The following CADPS variants were observed in gnomAD, a reference collection of about 807,000 sequenced individuals.
CADPS encodes calcium-dependent secretion activator 1.
In CADPS, 57 loss-of-function variants were observed where a neutral mutation model predicts 167.3. The observed-to-expected ratio is 0.34, with a 90% CI of 0.28 to 0.42. CADPS has a LOEUF of 0.42. Among genes scored for constraint, CADPS ranks in the 20% least tolerant of loss-of-function variants. CADPS has a pLI of 1.00. For missense variants in CADPS, 1,414 were observed against 1,738.1 expected, an observed-to-expected ratio of 0.81 and a Z score of 3.32; for synonymous variants, 676 against 635.3, an observed-to-expected ratio of 1.06 and a Z score of -0.96.
At chr3:62,461,508 C>T (rs2059346170) in intron 26 of CADPS, among the ~76,000 whole-genome samples, 1 of 152,140 alleles carries the variant, frequency 6.6e-6, no homozygotes, top group Non-Finnish European at 1.5e-5. Context: ...CACCTTTGCC[C>T]TCTCCAGTCA....
At chr3:62,552,092 T>C (rs1197922732) in intron 10 of CADPS, among the ~76,000 whole-genome samples, 1 of 152,050 alleles carries the variant, frequency 6.6e-6, no homozygotes, top group African/African-American at 2.4e-5. Context: ...GAATATGCTC[T>C]AGATCCATCT....
chr3:62,414,500 A>T (rs2049629765), intron 28 of CADPS, among the ~76,000 whole-genome samples: 1 of 152,240 alleles, frequency 6.6e-6, no homozygotes, highest in Admixed American at 6.5e-5. Context: ...AAAATCATGT[A>T]TTTCTTAAAT....
At position 62,557,411 on chromosome 3, in the gene CADPS, G is replaced by A; in HGVS notation, c.1747C>T (p.Gln583Ter). The A allele has an allele frequency of 6.2e-7, 1 of 1,612,466 alleles. No individual in the cohort carries two copies. The highest frequency in any genetic ancestry group is 8.5e-7 in the Non-Finnish European group (1 of 1,178,508). The part of the protein sequence containing the change: ...DGYTVDYTDP[Q>*]PGLEGGRAFF... ...CTTGAGGGTCGGTGGGTACCTGGCTGGGGGTCGGTGTAATCCACAGTGTAG... is the reference window on the plus strand; with the variant it reads ...CTTGAGGGTCGGTGGGTACCTGGCTAGGGGTCGGTGTAATCCACAGTGTAG... Residue 583 changes from glutamine (Q) to a stop codon, truncating the protein, a stop_gained, in exon 10 of 30, where the codon CAG becomes TAG. Transcript: ENST00000383710. LOFTEE classifies it high-confidence loss of function.
chr3:62,559,934 G>C (rs1370582809), intron 9 of CADPS, among the ~76,000 whole-genome samples: 2 of 151,166 alleles, frequency 1.3e-5, no homozygotes, highest in Non-Finnish European at 2.9e-5. Flanking sequence ...GTTATTTCAA[G>C]ATTTATGCAT....
chr3:62,410,772 T>A (rs2048812357), intron 28 of CADPS, among the ~76,000 whole-genome samples: 2 of 152,108 alleles, frequency 1.3e-5, no homozygotes, highest in South Asian at 4.1e-4. Flanking sequence ...AAATCACAAC[T>A]CCTTGAGTGT....
At chr3:62,609,322 A>C (rs2061167136) in intron 6 of CADPS, among the ~76,000 whole-genome samples, 2 of 151,684 alleles carry the variant, frequency 1.3e-5, no homozygotes, top group Admixed American at 6.6e-5. Flanking sequence ...CACGGTATAC[A>C]GTTAAGTCCA....
At chr3:62,714,284 ATACAT>A (rs1272139640) in intron 3 of CADPS, among the ~76,000 whole-genome samples, 1 of 152,224 alleles carries the variant, frequency 6.6e-6, no homozygotes, top group Non-Finnish European at 1.5e-5. Context: ...GGAATTATAT[ATACAT>A]TACATAACTT....
At chr3:62,550,962 G>GCTC (rs912506541) in intron 10 of CADPS, 1 of 456,104 alleles carries the variant, frequency 2.2e-6, no homozygotes. Context: ...TTGTCTGGTG[G>GCTC]CTCCTCCTCC....
intron 6 of CADPS, among the ~76,000 whole-genome samples, chr3:62,621,731 C>T (rs1396899552): frequency 1.3e-5 from 2 of 152,002 alleles, no homozygotes; most frequent in Admixed American, 6.6e-5. Flanking sequence ...CTGATCCTCT[C>T]CTTCCTTGCA....
intron 11 of CADPS, among the ~76,000 whole-genome samples, chr3:62,548,669 T>C (rs936937264): frequency 1.3e-5 from 2 of 152,264 alleles, no homozygotes; most frequent in African/African-American, 2.4e-5. Flanking sequence ...CACATCCATA[T>C]TCTGTTTAAG....
At chr3:62,819,832 TG>T (rs1219369686) in intron 1 of CADPS, among the ~76,000 whole-genome samples, 3 of 152,196 alleles carry the variant, frequency 2.0e-5, no homozygotes, top group African/African-American at 7.2e-5. Flanking sequence ...TGATCTCACT[TG>T]GAGAGGAAAA....
chr3:62,622,004 C>T (rs1421003430), intron 6 of CADPS, among the ~76,000 whole-genome samples: 1 of 152,008 alleles, frequency 6.6e-6, no homozygotes, highest in Non-Finnish European at 1.5e-5. Context: ...TCCCACCCAT[C>T]CTCCTACAAG....
chr3:62,492,435 C>A lies in CADPS; in HGVS notation c.2739G>T (p.Trp913Cys). ...PHVDKGEAFA[W>C]WSDLMVEHAE... ...CATGCTCCACCATTAAATCTGACCA[C>A]CACGCAAAGGCCTTTAAAATTTGGC... The change falls in exon 20 of 30, where the codon TGG becomes TGT. Residue 913 changes from tryptophan (W) to cysteine (C), a missense_variant. By Grantham distance (215) the Trp-to-Cys change is radical. Coordinates refer to ENST00000383710, the MANE Select transcript of CADPS (RefSeq NM_003716.4). 2 of 1,613,710 alleles carry A rather than the reference C, an allele frequency of 1.2e-6. No homozygotes were observed. The highest frequency in any genetic ancestry group is 2.2e-5 in the South Asian group (2 of 91,034).
chr3:62,721,932 C>G (rs2075914041), intron 3 of CADPS, among the ~76,000 whole-genome samples: 1 of 152,110 alleles, frequency 6.6e-6, no homozygotes, highest in South Asian at 2.1e-4. Flanking sequence ...AAACATGATG[C>G]TAATGACAAC....
chr3:62,658,623 T>C (rs1369210341), intron 4 of CADPS, among the ~76,000 whole-genome samples: 1 of 152,076 alleles, frequency 6.6e-6, no homozygotes, highest in Non-Finnish European at 1.5e-5. Flanking sequence ...ATCTGGCACA[T>C]AGGAAAACAC....
At chr3:62,589,385 G>A (rs2085416249) in intron 7 of CADPS, among the ~76,000 whole-genome samples, 1 of 152,240 alleles carries the variant, frequency 6.6e-6, no homozygotes, top group African/African-American at 2.4e-5. Flanking sequence ...CTAGCATCTG[G>A]GGGAATGTAT....
intron 6 of CADPS, among the ~76,000 whole-genome samples, chr3:62,594,462 T>G (rs373705658): frequency 4.6e-5 from 7 of 152,278 alleles, no homozygotes; most frequent in Admixed American, 3.9e-4. Context: ...CGCCCGGCCC[T>G]CATTATGATT....
chr3:62,722,298 C>G (rs924800534), intron 3 of CADPS, among the ~76,000 whole-genome samples: 3 of 152,198 alleles, frequency 2.0e-5, no homozygotes, highest in Non-Finnish European at 2.9e-5. Context: ...GGCTGCAGGG[C>G]ACCTCAAGGC....
intron 3 of CADPS, among the ~76,000 whole-genome samples, chr3:62,699,682 C>G (rs984025418): frequency 6.6e-6 from 1 of 152,102 alleles, no homozygotes; most frequent in Admixed American, 6.6e-5. Context: ...GATTTTCCTG[C>G]CTCAGCTTCC....
Sources: allele counts gnomAD v4.1 joint callset (sites outside exome capture counted in the v4.1 genomes callset), GRCh38; gene constraint gnomAD v4.1.1; transcripts MANE v1.5; gene names NCBI Gene and HGNC (gene_info 2026-07-23, HGNC 2026-07-21).